The following KRABD3 variants were observed in gnomAD, a reference collection of about 807,000 sequenced individuals.
KRABD3 encodes KRAB domain containing 3.
At chr7:149,719,607 A>T in the KRABD3 span, 1 of 1,598,042 alleles carries the variant, frequency 6.3e-7, no homozygotes, top group South Asian at 1.1e-5. The surrounding 1 kb of genome is among the most constrained non-coding windows in gnomAD (Gnocchi z 5.6). Context: ...CGGCTCCTGG[A>T]GGAGGGGCAG....
chr7:149,717,181 G>A, the KRABD3 span, among the ~76,000 whole-genome samples: 1 of 152,200 alleles, frequency 6.6e-6, no homozygotes, highest in Admixed American at 6.5e-5. Context: ...TCTGTGTTGA[G>A]CCATCAGAAT....
chr7:149,721,796 A>C, the KRABD3 span: 1 of 641,544 alleles, frequency 1.6e-6, no homozygotes, highest in East Asian at 3.1e-5. Flanking sequence ...TGTACACAGA[A>C]AGTCTCCGGC....
the KRABD3 span, chr7:149,721,338 G>A: frequency 6.5e-7 from 1 of 1,546,886 alleles, no homozygotes; most frequent in African/African-American, 1.4e-5. Context: ...GACAATGTTA[G>A]GGGCATCTTA....
the KRABD3 span, chr7:149,720,032 CT>C: frequency 1.3e-6 from 2 of 1,550,608 alleles, no homozygotes; most frequent in African/African-American, 2.7e-5. Flanking sequence ...CTCCCCCTCT[CT>C]GCTTTCCTGT....
chr7:149,728,058 A>G, the KRABD3 span, among the ~76,000 whole-genome samples: 1 of 152,218 alleles, frequency 6.6e-6, no homozygotes, highest in Admixed American at 6.5e-5. Context: ...TGGAAATAGG[A>G]TGTTTGCAGT....
the KRABD3 span, chr7:149,719,766 A>G: frequency 2.1e-6 from 3 of 1,427,088 alleles, no homozygotes; most frequent in Admixed American, 5.1e-5. The surrounding 1 kb of genome is among the most constrained non-coding windows in gnomAD (Gnocchi z 5.6). Context: ...TAGTCTTTCC[A>G]CCTGAGAAAT....
chr7:149,729,468 A>C, the KRABD3 span: 2 of 1,287,064 alleles, frequency 1.6e-6, no homozygotes, highest in Non-Finnish European at 2.0e-6. Context: ...TTTCTTCCCC[A>C]TCTCTCATCC....
chr7:149,723,460 C>G, the KRABD3 span: 1 of 477,546 alleles, frequency 2.1e-6, no homozygotes, highest in Admixed American at 3.6e-5. Context: ...CCAGAGCTGT[C>G]TCAAACAGTG....
the KRABD3 span, chr7:149,722,456 A>C: frequency 6.2e-6 from 10 of 1,608,098 alleles, no homozygotes; most frequent in African/African-American, 1.2e-4. Context: ...CAAGGAAGGA[A>C]GGCCCAGGAG....
the KRABD3 span, chr7:149,719,784 G>C: frequency 7.5e-7 from 1 of 1,335,110 alleles, no homozygotes; most frequent in East Asian, 2.5e-5. The surrounding 1 kb of genome is among the most constrained non-coding windows in gnomAD (Gnocchi z 5.6). Flanking sequence ...AATGAACACG[G>C]GGATCGTTCA....
the KRABD3 span, chr7:149,723,837 G>A: frequency 6.2e-7 from 1 of 1,613,832 alleles, no homozygotes; most frequent in South Asian, 1.1e-5. Context: ...CCTCAGGAGT[G>A]GGGAACCGAC....
At chr7:149,733,865 C>T in the KRABD3 span, 1 of 1,594,368 alleles carries the variant, frequency 6.3e-7, no homozygotes, top group East Asian at 2.3e-5. Context: ...TGCCTTACCC[C>T]TGCAGGGAGC....
chr7:149,715,215 G>T, the KRABD3 span: 2 of 1,216,906 alleles, frequency 1.6e-6, no homozygotes, highest in Admixed American at 4.3e-5. Flanking sequence ...GGGAAGTTCA[G>T]GTCCTCGGAC....
the KRABD3 span, chr7:149,721,566 C>T: frequency 6.2e-7 from 1 of 1,605,608 alleles, no homozygotes; most frequent in Non-Finnish European, 8.5e-7. Context: ...ACAGGGAGAA[C>T]CAGCATTTCA....
the KRABD3 span, chr7:149,723,780 A>T: frequency 2.9e-5 from 46 of 1,613,886 alleles, no homozygotes; most frequent in Admixed American, 5.3e-4. Flanking sequence ...AGGGTCTGCT[A>T]CACTGTCTGA....
At chr7:149,733,165 T>TA in the KRABD3 span, 1 of 1,548,070 alleles carries the variant, frequency 6.5e-7, no homozygotes, top group Non-Finnish European at 8.7e-7. Context: ...GAAAGGTCCT[T>TA]ACAAACCAGG....
chr7:149,734,402 G>A, the KRABD3 span: 1 of 234,238 alleles, frequency 4.3e-6, no homozygotes, highest in East Asian at 9.8e-5. Flanking sequence ...GAGCGGCCAG[G>A]AGAGCGCCTC....
chr7:149,725,294 G>A, the KRABD3 span: 40 of 1,553,708 alleles, frequency 2.6e-5, no homozygotes, highest in East Asian at 5.3e-4. Flanking sequence ...GATGGTAACA[G>A]GGTGCTCTCT....
chr7:149,730,776 G>A, the KRABD3 span: 2 of 629,826 alleles, frequency 3.2e-6, no homozygotes, highest in Non-Finnish European at 5.4e-6. Flanking sequence ...CTGCAGGGAG[G>A]TCTGAGCCAC....
Sources: gnomAD v4.1 joint callset for allele counts (sites outside exome capture counted in the v4.1 genomes callset) on GRCh38, gnomAD v4.1.1 for gene constraint, Gnocchi (gnomAD v3.1) non-coding constraint, MANE v1.5 for transcripts, NCBI Gene and HGNC (gene_info 2026-07-23, HGNC 2026-07-21) for gene names.